WSCD1: variants seen among roughly 807,000 people sequenced by gnomAD.
WSCD1 encodes the protein WSC domain sialate O sulfotransferase 1, also known as sialate:O-sulfotransferase 1.
In WSCD1, 41 loss-of-function variants were observed where a neutral mutation model predicts 60.4. The ratio of observed to expected loss-of-function variants is 0.68; its 90% CI spans 0.53 to 0.88. The LOEUF (loss-of-function observed/expected upper bound fraction) is 0.88. Among genes scored for constraint, WSCD1 ranks in the 40% least tolerant of loss-of-function variants. The probability of loss-of-function intolerance (pLI) is 0.00; values close to 1 mark genes in which losing one functional copy is unlikely to be tolerated. For missense variants in WSCD1, 784 were observed against 796.2 expected (o/e 0.98, Z 0.18); for synonymous variants, 361 against 332.5 (o/e 1.09, Z -0.93).
rs1597348256 is a variant in WSCD1, at chr17:6,075,237, G to A, written c.-289+4585G>A. ...GCCACAGTAGCTGAGATCCTTCTGG[G>A]GATGTCTGGTGTCATTTTCCCTTCA... On this transcript the variant is annotated intron_variant, in intron 1 of 8. Coordinates refer to ENST00000317744, the MANE Select transcript of WSCD1 (RefSeq NM_015253.2). This position sits in a 1 kb window ranked among gnomAD's most constrained non-coding sequence, Gnocchi z 4.1. Among the ~76,000 whole-genome samples the A allele has an allele frequency of 1.3e-5, 2 of 152,174 alleles. No individual in the cohort carries two copies. The highest frequency in any genetic ancestry group is 2.1e-4 in the South Asian group (1 of 4,832).
In WSCD1 at chr17:6,109,744, G is replaced by T. The variant is rs1911301916; in HGVS notation, c.987G>T (p.Glu329Asp). Reference sequence around the variant, plus strand: ...CACAGAGGCTGGCAGAATACTGTGAGGTCTACCAGACACCTGTGCAAGGTG... The same window carrying T: ...CACAGAGGCTGGCAGAATACTGTGATGTCTACCAGACACCTGTGCAAGGTG... ...PEAQRLAEYC[E>D]VYQTPVQDTR... Residue 329 changes from glutamate to aspartate, a missense_variant, in exon 6 of 9, where the codon GAG becomes GAT. By Grantham distance (45) the Glu-to-Asp change is conservative. Coordinates refer to ENST00000317744, the MANE Select transcript of WSCD1 (RefSeq NM_015253.2). 1.2e-6 allele frequency: 2 copies of T among 1,613,870 alleles called. No individual in the cohort carries two copies. The highest frequency in any genetic ancestry group is 4.5e-5 in the East Asian group (2 of 44,870).
Position 6,080,609 on chromosome 17 carries a change from C to A in WSCD1, c.-50C>A. On this transcript the variant is annotated 5_prime_UTR_variant, in exon 2 of 9. Coordinates refer to ENST00000317744, the MANE Select transcript of WSCD1 (RefSeq NM_015253.2). This position sits in a 1 kb window ranked among gnomAD's most constrained non-coding sequence, Gnocchi z 6.6. ...GGCCCTGGCCTCACTCCCACCTGGG[C>A]GCTAGGAGCCATCCCGGGGCTCCAG... 6.3e-7 allele frequency: 1 copy of A among 1,595,498 alleles called. No individual in the cohort carries two copies. Among genetic ancestry groups the A allele is most frequent in the Middle Eastern group, 1.7e-4 (1 of 5,946 alleles).
chr17:6,095,066 C>T (rs760285415), intron 4 of WSCD1, 36 bp from the exon 5 acceptor site: 2 of 1,591,414 alleles, frequency 1.3e-6, no homozygotes, highest in East Asian at 4.5e-5. Context: ...CAACTGGACA[C>T]CATCTCTTAC....
At chr17:6,072,694 G>A (rs956038527) in intron 1 of WSCD1, among the ~76,000 whole-genome samples, 1 of 152,208 alleles carries the variant, frequency 6.6e-6, no homozygotes, top group African/African-American at 2.4e-5. Context: ...CTCATCTGGG[G>A]AATGAGGGAA....
intron 2 of WSCD1, among the ~76,000 whole-genome samples, chr17:6,085,269 G>A (rs1237560667): frequency 6.6e-6 from 1 of 152,154 alleles, no homozygotes; most frequent in Admixed American, 6.5e-5. Context: ...TGATGTAAGT[G>A]CCGCTATCAC....
intron 4 of WSCD1, among the ~76,000 whole-genome samples, chr17:6,091,879 G>A (rs780287476): frequency 9.2e-5 from 14 of 152,284 alleles, no homozygotes; most frequent in Admixed American, 5.2e-4. Flanking sequence ...TGGAACAGCC[G>A]GGCGCGGTGG....
Position 6,120,410 on chromosome 17 carries a change from C to T in WSCD1, c.1477C>T (p.Leu493=), listed in dbSNP as rs151265920. The T allele has an allele frequency of 8.7e-6, 14 of 1,613,976 alleles. No individual in the cohort carries two copies. Among genetic ancestry groups the T allele is most frequent in the Non-Finnish European group, 1.2e-5 (14 of 1,180,044 alleles). The change falls in exon 9 of 9, where the codon CTG becomes TTG. Residue 493 remains leucine, a synonymous_variant. Transcript: ENST00000317744. ...GCTGCTGGTGGTGCACTACGAGGAG[C>T]TGCGGCGCAGCCTGGTGCCCACGTT... The part of the protein sequence containing the change: ...KRLLVVHYEE[L]RRSLVPTLRE...
Position 6,109,631 on chromosome 17 carries a change from G to C in WSCD1, c.874G>C (p.Gly292Arg). ...GGAGTTCCCCTTGGCCATTCTCAGG[G>C]GCTGGGAATGCTACTGTGCTTACCC... Reference protein sequence around the residue: ...QKEFPLAILRGWECYCAYPTP... With the variant: ...QKEFPLAILRRWECYCAYPTP... The change falls in exon 6 of 9, where the codon GGC becomes CGC. Residue 292 changes from glycine to arginine, a missense_variant. Gly to Arg is a moderately radical substitution (Grantham distance 125, BLOSUM62 -2). Coordinates refer to ENST00000317744, the MANE Select transcript of WSCD1 (RefSeq NM_015253.2). 1.2e-6 allele frequency: 2 copies of C among 1,613,992 alleles called. No individual in the cohort carries two copies. The highest frequency in any genetic ancestry group is 1.7e-6 in the Non-Finnish European group (2 of 1,179,936).
chr17:6,079,408 C>T (rs1909081931), intron 1 of WSCD1, among the ~76,000 whole-genome samples: 1 of 152,228 alleles, frequency 6.6e-6, no homozygotes, highest in African/African-American at 2.4e-5. Context: ...CTCTCCCAAC[C>T]CCAACAGCAC....
At chr17:6,073,773 T>C (rs1438423168) in intron 1 of WSCD1, among the ~76,000 whole-genome samples, 1 of 152,228 alleles carries the variant, frequency 6.6e-6, no homozygotes, top group Non-Finnish European at 1.5e-5. Context: ...TGTCTTTCTG[T>C]GTGGACCCAG....
intron 2 of WSCD1, 82 bp from the exon 3 acceptor site, chr17:6,087,908 G>A (rs762293572): frequency 1.7e-4 from 196 of 1,166,928 alleles, no homozygotes; most frequent in Non-Finnish European, 1.9e-4. Flanking sequence ...TGGCCAGGAA[G>A]GCAGAGGTTC....
intron 5 of WSCD1, among the ~76,000 whole-genome samples, chr17:6,097,043 A>ATT (rs1483715619): frequency 0.017 from 2,578 of 152,386 alleles, 69 homozygotes; most frequent in African/African-American, 0.054. Flanking sequence ...AGAGCCCTCA[A>ATT]ACACAGGCAC....
At chr17:6,076,017 A>G (rs1908837096) in intron 1 of WSCD1, among the ~76,000 whole-genome samples, 1 of 152,188 alleles carries the variant, frequency 6.6e-6, no homozygotes, top group Non-Finnish European at 1.5e-5. Flanking sequence ...ATGACTTCAA[A>G]AAGGTGCTGA....
intron 4 of WSCD1, among the ~76,000 whole-genome samples, chr17:6,093,576 G>T (rs1250616292): frequency 6.6e-6 from 1 of 152,178 alleles, no homozygotes; most frequent in Non-Finnish European, 1.5e-5. Flanking sequence ...CCAGTCCATT[G>T]AAATGTTTGT....
At chr17:6,095,348 G>A (rs1910353857) in intron 5 of WSCD1, 125 bp downstream of exon 5, 9 of 1,297,394 alleles carry the variant, frequency 6.9e-6, no homozygotes, top group Non-Finnish European at 9.1e-6. Context: ...CAGAGGAAGG[G>A]GGCATGGATG....
chr17:6,116,610 A>G (rs1033733909), intron 7 of WSCD1, among the ~76,000 whole-genome samples: 20 of 152,332 alleles, frequency 1.3e-4, no homozygotes, highest in African/African-American at 4.1e-4. Context: ...TCTTCCTTTC[A>G]TAGCATTTTC....
At chr17:6,111,356 T>A (rs1402077049) in intron 7 of WSCD1, among the ~76,000 whole-genome samples, 2 of 151,620 alleles carry the variant, frequency 1.3e-5, no homozygotes, top group East Asian at 3.9e-4. Context: ...TTGGAAGAGG[T>A]GACTGTTCCA....
At chr17:6,108,964 A>G (rs549583309) in intron 5 of WSCD1, among the ~76,000 whole-genome samples, 3 of 152,328 alleles carry the variant, frequency 2.0e-5, no homozygotes, top group Admixed American at 2.0e-4. Context: ...CACCCCTTCC[A>G]TCTTTGGAAA....
intron 3 of WSCD1, among the ~76,000 whole-genome samples, chr17:6,089,328 A>C (rs1049246909): frequency 6.6e-6 from 1 of 152,238 alleles, no homozygotes; most frequent in Non-Finnish European, 1.5e-5. Flanking sequence ...GGACGTGGTC[A>C]AATGGGGACT....
Sources: gnomAD v4.1 joint callset for allele counts (sites outside exome capture counted in the v4.1 genomes callset) on GRCh38, gnomAD v4.1.1 for gene constraint, Gnocchi (gnomAD v3.1) non-coding constraint, MANE v1.5 for transcripts, NCBI Gene and HGNC (gene_info 2026-07-23, HGNC 2026-07-21) for gene names.